The following ATP6V1B1 variants were observed in gnomAD, a reference collection of about 807,000 sequenced individuals.
The protein encoded by ATP6V1B1 is ATPase H+ transporting V1 subunit B1, also known as V-type proton ATPase subunit B, kidney isoform.
A neutral mutation model predicts 62.1 loss-of-function variants in ATP6V1B1; 41 were observed. That is an observed-to-expected ratio of 0.66 (90% CI 0.51 to 0.86). The LOEUF (loss-of-function observed/expected upper bound fraction) is 0.86. Among genes scored for constraint, ATP6V1B1 ranks in the 40% least tolerant of loss-of-function variants. The probability of loss-of-function intolerance (pLI) is 0.00; values close to 1 mark genes in which losing one functional copy is unlikely to be tolerated. For synonymous variants in ATP6V1B1, 253 were observed against 273.4 expected, an observed-to-expected ratio of 0.93 and a Z score of 0.74; for missense variants, 651 against 697.5, an observed-to-expected ratio of 0.93 and a Z score of 0.75.
In ATP6V1B1 at chr2:70,936,007, A is replaced by G. The variant is rs1679841572; in HGVS notation, c.53A>G (p.Asn18Ser). 6.2e-7 allele frequency: 1 copy of G among 1,613,974 alleles called. No individual in the cohort carries two copies. Among genetic ancestry groups the G allele is most frequent in the South Asian group, 1.1e-5 (1 of 91,082 alleles). Reference sequence around the variant, plus strand: ...GGGGGGCTCCCCGGCAGTAGCTGCAACCTAGGTGCAGCCCGAGAACACATG... The same window carrying G: ...GGGGGGCTCCCCGGCAGTAGCTGCAGCCTAGGTGCAGCCCGAGAACACATG... ...RPGGLPGSSC[N>S]LGAAREHMQA... Residue 18 changes from asparagine to serine, a missense_variant, in exon 1 of 14, where the codon AAC (asparagine) becomes AGC (serine). Physicochemically the swap from Asn to Ser is conservative, Grantham distance 46 (BLOSUM62 1). Coordinates refer to ENST00000234396, the MANE Select transcript of ATP6V1B1 (RefSeq NM_001692.4).
chr2:70,957,156 G>A (rs1198486657), intron 2 of ATP6V1B1, among the ~76,000 whole-genome samples: 3 of 145,236 alleles, frequency 2.1e-5, no homozygotes, highest in Non-Finnish European at 4.5e-5. Context: ...GCGTGATGTC[G>A]GCTCACTGCA....
rs1337625119 is a variant in ATP6V1B1 at position 70,959,031 on chromosome 2, T to C, written c.381T>C (p.Asn127=). The change falls in exon 5 of 14, where the codon AAT becomes AAC. Residue 127 remains asparagine (N), a synonymous_variant. Transcript: ENST00000234396. This position sits in a 1 kb window ranked among gnomAD's most constrained non-coding sequence, Gnocchi z 4.2. ...GTCCACCCTCAGGTCGGGTTTTCAA[T>C]GGCTCCGGCAAGCCCATTGACAAGG... ...VSEDMLGRVF[N]GSGKPIDKGP... 1 of 1,613,992 alleles carries C rather than the reference T, an allele frequency of 6.2e-7. No individual in the cohort carries two copies. The highest frequency in any genetic ancestry group is 8.5e-7 in the Non-Finnish European group (1 of 1,180,016).
Position 70,963,923 on chromosome 2 carries a change from A to G in ATP6V1B1, c.1143+269A>G. The G allele has an allele frequency of 1.8e-6, 1 of 546,806 alleles. No homozygotes were observed. Among genetic ancestry groups the G allele is most frequent in the South Asian group, 2.0e-5 (1 of 49,978 alleles). 33.9% of individuals were successfully genotyped at this position (546,806 alleles called of 1,614,324 possible). Reference sequence around the variant, plus strand: ...TAAAATGGGAATAATCAAATATATCACCCAGACGCATTGTGGAGGATAAAA... The same window carrying G: ...TAAAATGGGAATAATCAAATATATCGCCCAGACGCATTGTGGAGGATAAAA... On this transcript the variant is annotated intron_variant, in intron 11 of 13. Transcript: ENST00000234396. This position sits in a 1 kb window ranked among gnomAD's most constrained non-coding sequence, Gnocchi z 4.3.
At position 70,959,514 on chromosome 2, in the gene ATP6V1B1, A is replaced by G. The variant is rs1553419661; in HGVS notation, c.445+419A>G. Among the ~76,000 whole-genome samples the G allele has an allele frequency of 6.6e-6, 1 of 152,232 alleles. No homozygotes were observed. The highest frequency in any genetic ancestry group is 2.4e-5 in the African/African-American group (1 of 41,468). ...ACGCCACACAGAAAGTCAGTGGCAG[A>G]GCACAGAAGACTCATCTGCTCAGAC... On this transcript the variant is annotated intron_variant, in intron 5 of 13. Coordinates refer to ENST00000234396, the MANE Select transcript of ATP6V1B1 (RefSeq NM_001692.4). The surrounding 1 kb of genome is among the most constrained non-coding windows in gnomAD (Gnocchi z 4.2).
intron 1 of ATP6V1B1, chr2:70,941,951 G>A (rs1047343666): frequency 1.1e-5 from 11 of 1,001,432 alleles, no homozygotes; most frequent in Non-Finnish European, 1.3e-5. Context: ...GAGGGTGGAA[G>A]GTGGGGAAGG....
chr2:70,943,338 A>G, intron 1 of ATP6V1B1: 1 of 539,790 alleles, frequency 1.9e-6, no homozygotes, highest in Non-Finnish European at 3.4e-6. Context: ...GGAGTGGGTG[A>G]GGTGGGGGTT....
At chr2:70,964,368 A>T (rs1003392283) in intron 11 of ATP6V1B1, 70 bp from the exon 12 acceptor site, 121 of 1,521,172 alleles carry the variant, frequency 8.0e-5, no homozygotes, top group Admixed American at 1.8e-4. Context: ...TTCTCCTGAG[A>T]ACAATTTGGG....
chr2:70,940,022 G>A (rs34888497), intron 1 of ATP6V1B1: 4,568 of 152,294 alleles, frequency 0.03, 66 homozygotes, highest in Non-Finnish European at 0.035. Context: ...CGGCCTGGCC[G>A]GGGAAGGCAT....
intron 2 of ATP6V1B1, among the ~76,000 whole-genome samples, chr2:70,950,049 G>A (rs1680283415): frequency 6.6e-6 from 1 of 151,944 alleles, no homozygotes; most frequent in Non-Finnish European, 1.5e-5. Flanking sequence ...GGTTTATGAT[G>A]TGGTTATCTT....
In ATP6V1B1 at chr2:70,965,383, A is replaced by G. The variant is rs1553420906; in HGVS notation, c.*262A>G. On this transcript the variant is annotated 3_prime_UTR_variant, in exon 14 of 14. Transcript: ENST00000234396. ...CTCTGACGGGAGCATCTGTATTTTT[A>G]TGTTAAAAGCCCACAAAATAAAAAT... 5 of 567,378 alleles carry G rather than the reference A, an allele frequency of 8.8e-6. No individual in the cohort carries two copies. The highest frequency in any genetic ancestry group is 1.3e-5 in the Non-Finnish European group (4 of 318,430). The allele number at this position is 567,378 out of a possible 1,614,324, so 35.1% of individuals were successfully genotyped here. A position where few individuals can be genotyped will look rare whatever the true frequency, so the allele number is the denominator to read the frequency against.
At position 70,963,448 on chromosome 2, in the gene ATP6V1B1, C is replaced by A; in HGVS notation, c.1061-124C>A. The A allele has an allele frequency of 6.6e-7, 1 of 1,520,682 alleles. No individual in the cohort carries two copies. The highest frequency in any genetic ancestry group is 9.1e-7 in the Non-Finnish European group (1 of 1,100,816). The allele number at this position is 1,520,682 out of a possible 1,614,324, so 94.2% of individuals were successfully genotyped here. ...TCCATCGAGATAGACACTGCCCTTT[C>A]CTCCACCATCCATGCCCCCCACACA... is the stretch of plus-strand genomic sequence containing the variant. On this transcript the variant is annotated intron_variant, in intron 10 of 13. Transcript: ENST00000234396. The surrounding 1 kb of genome is among the most constrained non-coding windows in gnomAD (Gnocchi z 4.3).
In ATP6V1B1 at chr2:70,961,023, G is replaced by A; in HGVS notation, c.687+1G>A. 1.3e-6 allele frequency: 2 copies of A among 1,577,892 alleles called. No homozygotes were observed. The highest frequency in any genetic ancestry group is 1.7e-6 in the Non-Finnish European group (2 of 1,161,542). ...CGCCATCGTCTTTGCAGCCATGGGGGTGAGGAGACTTAGTAGACTGGCAAG... is the reference window on the plus strand; with the variant it reads ...CGCCATCGTCTTTGCAGCCATGGGGATGAGGAGACTTAGTAGACTGGCAAG... On this transcript the variant is annotated splice_donor_variant, in intron 7 of 13. Transcript: ENST00000234396. LOFTEE classifies it high-confidence loss of function.
At position 70,965,375 on chromosome 2, in the gene ATP6V1B1, G is replaced by T; in HGVS notation, c.*254G>T. On this transcript the variant is annotated 3_prime_UTR_variant, in exon 14 of 14. Coordinates refer to ENST00000234396, the MANE Select transcript of ATP6V1B1 (RefSeq NM_001692.4). ...ATGCCTTACTCTGACGGGAGCATCT[G>T]TATTTTTATGTTAAAAGCCCACAAA... 1 of 573,318 alleles carries T rather than the reference G, an allele frequency of 1.7e-6. No homozygotes were observed. The highest frequency in any genetic ancestry group is 3.1e-6 in the Non-Finnish European group (1 of 322,624). 35.5% of individuals were successfully genotyped at this position (573,318 alleles called of 1,614,324 possible). A position where few individuals can be genotyped will look rare whatever the true frequency, so the allele number is the denominator to read the frequency against.
rs371863168 is a variant in ATP6V1B1, at chr2:70,964,961, C to T, written c.1382C>T (p.Pro461Leu). The T allele has an allele frequency of 1.6e-4, 258 of 1,613,930 alleles. No homozygotes were observed. The highest frequency in any genetic ancestry group is 2.0e-4 in the Non-Finnish European group (241 of 1,180,052). The change falls in exon 14 of 14, where the codon CCC (proline) becomes CTC (leucine). Residue 461 changes from proline (P) to leucine (L), a missense_variant. By Grantham distance (98) the Pro-to-Leu change is moderately conservative. Coordinates refer to ENST00000234396, the MANE Select transcript of ATP6V1B1 (RefSeq NM_001692.4). ...KFEKNFINQG[P>L]YENRSVFESL... ...CTCCCTCCCGCTCTGTCCCTAGGCCCCTACGAGAACCGCTCGGTGTTCGAG... is the reference window on the plus strand; with the variant it reads ...CTCCCTCCCGCTCTGTCCCTAGGCCTCTACGAGAACCGCTCGGTGTTCGAG...
Position 70,960,924 on chromosome 2 carries a change from G to A in ATP6V1B1, c.589G>A (p.Ala197Thr). 5.6e-6 allele frequency: 9 copies of A among 1,607,128 alleles called. No individual in the cohort carries two copies. Among genetic ancestry groups the A allele is most frequent in the African/African-American group, 1.3e-5 (1 of 74,892 alleles). The change falls in exon 7 of 14, where the codon GCC becomes ACC. Residue 197 changes from alanine (A) to threonine (T), a missense_variant. Ala to Thr is a moderately conservative substitution (Grantham distance 58, BLOSUM62 0). Coordinates refer to ENST00000234396, the MANE Select transcript of ATP6V1B1 (RefSeq NM_001692.4). ...SAAGLPHNEI[A>T]AQICRQAGLV... ...TGCCCAATCCACTCTGCCCTAGATT[G>A]CCGCTCAGATCTGCCGCCAGGCGGG...
At chr2:70,936,109 G>C in intron 1 of ATP6V1B1, 37 bp downstream of exon 1, 1 of 1,604,976 alleles carries the variant, frequency 6.2e-7, no homozygotes. Flanking sequence ...TGAGGTCAGG[G>C]TGGGGAGCTG....
chr2:70,944,169 T>C, intron 2 of ATP6V1B1: 1 of 1,286,310 alleles, frequency 7.8e-7, no homozygotes, highest in Non-Finnish European at 1.0e-6. Flanking sequence ...AACTAAATTT[T>C]CTAGGGATCT....
intron 2 of ATP6V1B1, among the ~76,000 whole-genome samples, chr2:70,950,932 ATTTTTTTTTTTTT>A (rs55871344): frequency 4.6e-5 from 3 of 64,604 alleles, no homozygotes; most frequent in East Asian, 5.0e-4. Flanking sequence ...TTTTTTCCTG[ATTTTTTTTTTTTT>A]TTTTTTTTTT....
intron 6 of ATP6V1B1, 127 bp downstream of exon 6, chr2:70,960,205 C>T (rs1449415121): frequency 5.7e-6 from 8 of 1,402,612 alleles, no homozygotes; most frequent in South Asian, 1.3e-5. Context: ...TCGCCAGCAT[C>T]GAGACTGGCA....
Sources: gnomAD v4.1 joint callset for allele counts (sites outside exome capture counted in the v4.1 genomes callset) on GRCh38, gnomAD v4.1.1 for gene constraint, Gnocchi (gnomAD v3.1) non-coding constraint, MANE v1.5 for transcripts, NCBI Gene and HGNC (gene_info 2026-07-23, HGNC 2026-07-21) for gene names.